Variants in TMOD2 observed in about 807,000 individuals in gnomAD.
TMOD2 encodes tropomodulin-2.
TMOD2 carries 22 observed loss-of-function variants against 39.9 expected under a neutral mutation model. The observed-to-expected ratio is 0.55, with a 90% confidence interval of 0.39 to 0.79. The LOEUF (loss-of-function observed/expected upper bound fraction) is 0.79. Ranked by LOEUF, TMOD2 falls within the 30% of genes least tolerant of loss-of-function variation. The probability of loss-of-function intolerance (pLI) is 0.00; values close to 1 mark genes in which losing one functional copy is unlikely to be tolerated. For missense variants in TMOD2, 386 were observed against 413.3 expected (o/e 0.93, Z 0.57); for synonymous variants, 123 against 146.1 (o/e 0.84, Z 1.14).
At chr15:51,757,728 A>T (rs1189335177) in intron 1 of TMOD2, among the ~76,000 whole-genome samples, 1 of 152,198 alleles carries the variant, frequency 6.6e-6, no homozygotes, top group Non-Finnish European at 1.5e-5. Context: ...AGGACGGAAG[A>T]CAAATGGGAG....
intron 7 of TMOD2, among the ~76,000 whole-genome samples, chr15:51,789,368 T>A (rs1007544712): frequency 6.6e-6 from 1 of 152,162 alleles, no homozygotes; most frequent in African/African-American, 2.4e-5. Flanking sequence ...AGCAAGTTCT[T>A]AGAGACCTAC....
chr15:51,771,685 A>AAGAAATCTTATTTTGACTCT (rs2055854773), intron 3 of TMOD2, among the ~76,000 whole-genome samples: 1 of 152,146 alleles, frequency 6.6e-6, no homozygotes, highest in Non-Finnish European at 1.5e-5. Flanking sequence ...GAAAGAAAGA[A>AAGAAATCTTATTTTGACTCT]AGAAATCTTA....
intron 1 of TMOD2, among the ~76,000 whole-genome samples, chr15:51,761,579 A>G (rs527791909): frequency 9.9e-5 from 15 of 151,266 alleles, no homozygotes; most frequent in African/African-American, 1.2e-4. Context: ...AGAAAAAAAA[A>G]TTTAATTAGC....
At chr15:51,757,524 T>C (rs1034185144) in intron 1 of TMOD2, among the ~76,000 whole-genome samples, 5 of 151,974 alleles carry the variant, frequency 3.3e-5, no homozygotes, top group African/African-American at 9.7e-5. Flanking sequence ...AAGTCTTTAA[T>C]CCTATTTTCT....
At chr15:51,787,267 C>A (rs936871265) in intron 7 of TMOD2, among the ~76,000 whole-genome samples, 5 of 152,216 alleles carry the variant, frequency 3.3e-5, no homozygotes, top group African/African-American at 1.2e-4. Flanking sequence ...GATGCTAGAG[C>A]TTGGCGGGGG....
chr15:51,769,390 T>A (rs1456885969), intron 3 of TMOD2, among the ~76,000 whole-genome samples: 1 of 152,182 alleles, frequency 6.6e-6, no homozygotes, highest in Non-Finnish European at 1.5e-5. Flanking sequence ...CATTCATGCA[T>A]CCATCATCTA....
rs1023850229 is a variant in TMOD2, at chr15:51,808,285, G to A, written c.1022-135G>A. 1.2e-5 allele frequency: 7 copies of A among 606,580 alleles called. No homozygotes were observed. The East Asian group carries it at 1.4e-4, about 13-fold the overall frequency. 37.6% of individuals were successfully genotyped at this position (606,580 alleles called of 1,614,324 possible). A position where few individuals can be genotyped will look rare whatever the true frequency, so the allele number is the denominator to read the frequency against. On this transcript the variant is annotated intron_variant, in intron 9 of 9. Transcript: ENST00000249700. ...ATTTATCATTTCCATTGATTGTCATGGTTAAGTATTAAAATTTAAGATAAC... is the reference window on the plus strand; with the variant it reads ...ATTTATCATTTCCATTGATTGTCATAGTTAAGTATTAAAATTTAAGATAAC...
chr15:51,803,439 C>T (rs946725475), intron 8 of TMOD2, among the ~76,000 whole-genome samples: 9 of 152,078 alleles, frequency 5.9e-5, no homozygotes, highest in African/African-American at 2.2e-4. Flanking sequence ...CCTCTGCCTC[C>T]CAAAGTGCTG....
chr15:51,783,929 A>G (rs1204526311), intron 7 of TMOD2: 6 of 152,230 alleles, frequency 3.9e-5, no homozygotes, highest in African/African-American at 7.2e-5. Context: ...TCAATAGCCA[A>G]TTAGTAACTC....
At chr15:51,804,480 A>G (rs2056109172) in intron 8 of TMOD2, among the ~76,000 whole-genome samples, 1 of 152,160 alleles carries the variant, frequency 6.6e-6, no homozygotes, top group South Asian at 2.1e-4. Flanking sequence ...CTCTGTGGGG[A>G]ATGGGGATGT....
At position 51,809,621 on chromosome 15, in the gene TMOD2, G is replaced by A. The variant is rs1392994262; in HGVS notation, c.*1167G>A. 1 of 152,206 alleles carries A rather than the reference G, an allele frequency of 6.6e-6. No individual in the cohort carries two copies. Among genetic ancestry groups the A allele is most frequent in the Non-Finnish European group, 1.5e-5 (1 of 68,028 alleles). 9.4% of individuals were successfully genotyped at this position (152,206 alleles called of 1,614,324 possible). On this transcript the variant is annotated 3_prime_UTR_variant, in exon 10 of 10. Coordinates refer to ENST00000249700, the MANE Select transcript of TMOD2 (RefSeq NM_014548.4). The stretch of plus-strand genomic sequence containing the variant: ...AATGCAGTGCTAAACTAATGAAGCA[G>A]GTGACTGCAGCCTTTGGCTCAAGCT...
At chr15:51,780,929 G>T in intron 5 of TMOD2, 115 bp from the exon 6 acceptor site, 1 of 783,928 alleles carries the variant, frequency 1.3e-6, no homozygotes, top group South Asian at 1.9e-5. Context: ...TACTGTCATT[G>T]CTATTAAAGT....
Position 51,766,304 on chromosome 15 carries a change from G to A in TMOD2, c.-69-69G>A, listed in dbSNP as rs1194312052. The A allele has an allele frequency of 1.8e-5, 13 of 728,730 alleles. No homozygotes were observed. In the South Asian group the frequency reaches 2.2e-4, roughly 12 times the overall value. 45.1% of individuals were successfully genotyped at this position (728,730 alleles called of 1,614,324 possible). A position where few individuals can be genotyped will look rare whatever the true frequency, so the allele number is the denominator to read the frequency against. ...TAGGCTCCATTGGAGGCATACTTCT[G>A]TCTCCTGTTAATAAGTCCTGTTTAC... On this transcript the variant is annotated intron_variant, in intron 1 of 9. Coordinates refer to ENST00000249700, the MANE Select transcript of TMOD2 (RefSeq NM_014548.4).
chr15:51,772,648 C>T (rs1304188394), intron 3 of TMOD2, among the ~76,000 whole-genome samples: 1 of 152,156 alleles, frequency 6.6e-6, no homozygotes, highest in Non-Finnish European at 1.5e-5. Context: ...CCTTGCTGCT[C>T]ACAGAACCCC....
At chr15:51,804,289 A>T (rs534439086) in intron 8 of TMOD2, among the ~76,000 whole-genome samples, 6 of 152,394 alleles carry the variant, frequency 3.9e-5, no homozygotes, top group Non-Finnish European at 8.8e-5. Flanking sequence ...AGGTAAATGT[A>T]TATTTACCAA....
At chr15:51,771,820 T>G (rs1362773486) in intron 3 of TMOD2, among the ~76,000 whole-genome samples, 2 of 152,222 alleles carry the variant, frequency 1.3e-5, no homozygotes, top group African/African-American at 4.8e-5. Context: ...GATTTCTTTT[T>G]CCATTTTCTA....
chr15:51,785,420 A>C (rs1322576400), intron 7 of TMOD2, among the ~76,000 whole-genome samples: 1 of 151,574 alleles, frequency 6.6e-6, no homozygotes, highest in Non-Finnish European at 1.5e-5. Flanking sequence ...TCAAAAAAAA[A>C]AAAAAAAAAA....
intron 1 of TMOD2, among the ~76,000 whole-genome samples, chr15:51,759,559 G>C (rs1191586792): frequency 6.6e-6 from 1 of 152,158 alleles, no homozygotes; most frequent in South Asian, 2.1e-4. Flanking sequence ...AATGGTCAGA[G>C]AAATAGAAGA....
Position 51,809,728 on chromosome 15 carries a change from T to A in TMOD2, c.*1274T>A, listed in dbSNP as rs2056143980. 2 of 152,202 alleles carry A rather than the reference T, an allele frequency of 1.3e-5. No homozygotes were observed. Among genetic ancestry groups the A allele is most frequent in the African/African-American group, 4.8e-5 (2 of 41,454 alleles). The allele number at this position is 152,202 out of a possible 1,614,324, so 9.4% of individuals were successfully genotyped here. A position where few individuals can be genotyped will look rare whatever the true frequency, so the allele number is the denominator to read the frequency against. On this transcript the variant is annotated 3_prime_UTR_variant, in exon 10 of 10. Transcript: ENST00000249700. ...CCCAAGGCAACTCACCCTCTATTCC[T>A]CCTTTCTCCCCTCCCTTTCTTCCAA...
Sources: allele counts gnomAD v4.1 joint callset (sites outside exome capture counted in the v4.1 genomes callset), GRCh38; gene constraint gnomAD v4.1.1; transcripts MANE v1.5; gene names NCBI Gene and HGNC (gene_info 2026-07-23, HGNC 2026-07-21).